The following GPHN variants were observed in gnomAD, a reference collection of about 807,000 sequenced individuals.
The protein encoded by GPHN is gephyrin.
GPHN carries 17 observed loss-of-function variants against 95.5 expected under a neutral mutation model. That is an observed-to-expected ratio of 0.18 (90% confidence interval 0.12 to 0.27). The LOEUF (loss-of-function observed/expected upper bound fraction) is 0.27, where lower values mean the gene tolerates loss of function less well. GPHN is among the 10% of genes least tolerant of loss of function. GPHN has a pLI of 1.00. For missense variants in GPHN, 660 were observed against 978.1 expected (o/e 0.67, Z 4.34); for synonymous variants, 320 against 322.5 (o/e 0.99, Z 0.08).
intron 1 of GPHN, among the ~76,000 whole-genome samples, chr14:66,597,337 G>A (rs979747645): frequency 1.3e-5 from 2 of 152,154 alleles, no homozygotes; most frequent in African/African-American, 4.8e-5. Context: ...CTTCTGAGCC[G>A]TAGTCAGAAA....
the GPHN span, among the ~76,000 whole-genome samples, chr14:67,509,362 A>C: frequency 6.6e-6 from 1 of 151,988 alleles, no homozygotes; most frequent in Non-Finnish European, 1.5e-5. Context: ...CTTGTTGTCC[A>C]AGCTGGAGTG....
At chr14:66,689,678 C>G (rs1313132497) in intron 2 of GPHN, among the ~76,000 whole-genome samples, 1 of 152,082 alleles carries the variant, frequency 6.6e-6, no homozygotes, top group Non-Finnish European at 1.5e-5. Context: ...CATAGGGTCC[C>G]AGGCTTTTTT....
chr14:67,357,933 A>C, the GPHN span, among the ~76,000 whole-genome samples: 2 of 152,232 alleles, frequency 1.3e-5, no homozygotes, highest in African/African-American at 4.8e-5. Context: ...AAGATACTTG[A>C]AGGGACACTT....
chr14:66,527,260 G>T (rs1594826346), intron 1 of GPHN, among the ~76,000 whole-genome samples: 1 of 152,120 alleles, frequency 6.6e-6, no homozygotes, highest in Non-Finnish European at 1.5e-5. Context: ...TATTTGCATA[G>T]AGGCGTTTAT....
At chr14:67,728,503 AC>A in the GPHN span, among the ~76,000 whole-genome samples, 2 of 152,166 alleles carry the variant, frequency 1.3e-5, no homozygotes, top group Non-Finnish European at 2.9e-5. Context: ...TTGGCCCTGC[AC>A]CCTGCCAGGT....
At chr14:66,737,005 AATT>A (rs1213865060) in intron 2 of GPHN, among the ~76,000 whole-genome samples, 1 of 151,992 alleles carries the variant, frequency 6.6e-6, no homozygotes. Context: ...CCAGTCCTAA[AATT>A]ATTATATGTT....
chr14:66,703,567 C>G (rs1477667998), intron 2 of GPHN, among the ~76,000 whole-genome samples: 1 of 110,274 alleles, frequency 9.1e-6, no homozygotes, highest in Non-Finnish European at 1.6e-5. Context: ...AAAGGAGATC[C>G]TTTCCAGAGA....
At chr14:67,684,020 A>C in the GPHN span, among the ~76,000 whole-genome samples, 1 of 152,206 alleles carries the variant, frequency 6.6e-6, no homozygotes, top group African/African-American at 2.4e-5. Context: ...CCAGTGATAA[A>C]AATTCTGCTG....
At chr14:66,815,304 G>C (rs1245403625) in intron 3 of GPHN, among the ~76,000 whole-genome samples, 1 of 152,086 alleles carries the variant, frequency 6.6e-6, no homozygotes, top group Non-Finnish European at 1.5e-5. Flanking sequence ...TTCAAATTCA[G>C]GAAATGCAGA....
chr14:66,806,970 A>G (rs2060568934), intron 3 of GPHN, among the ~76,000 whole-genome samples: 1 of 152,178 alleles, frequency 6.6e-6, no homozygotes, highest in Non-Finnish European at 1.5e-5. Flanking sequence ...TTACTGAATT[A>G]GTCTGTTTTC....
the GPHN span, among the ~76,000 whole-genome samples, chr14:67,521,290 G>A: frequency 6.6e-6 from 1 of 152,238 alleles, no homozygotes; most frequent in Non-Finnish European, 1.5e-5. Context: ...TCAGGAATGA[G>A]TGCATTGTGA....
chr14:67,722,722 T>C, the GPHN span: 11 of 1,609,520 alleles, frequency 6.8e-6, no homozygotes, highest in Non-Finnish European at 9.4e-6. Context: ...TTTGTCTTAA[T>C]TCAGCAACTC....
chr14:67,433,394 T>C, the GPHN span, among the ~76,000 whole-genome samples: 1 of 152,126 alleles, frequency 6.6e-6, no homozygotes, highest in Non-Finnish European at 1.5e-5. Context: ...AATTTAGTGG[T>C]TCAGAATTAA....
the GPHN span, among the ~76,000 whole-genome samples, chr14:67,554,250 C>T: frequency 6.6e-6 from 1 of 152,170 alleles, no homozygotes; most frequent in African/African-American, 2.4e-5. Flanking sequence ...GCTCATCTAC[C>T]TTTTAATTAA....
At chr14:66,542,061 CA>C (rs1235174766) in intron 1 of GPHN, among the ~76,000 whole-genome samples, 1 of 152,174 alleles carries the variant, frequency 6.6e-6, no homozygotes, top group East Asian at 1.9e-4. Flanking sequence ...TTTGCATTCT[CA>C]ACTTCCTTGC....
rs531970428 is a variant in GPHN at position 66,824,674 on chromosome 14, A to G, written c.294+108A>G. 15 of 634,144 alleles carry G rather than the reference A, an allele frequency of 2.4e-5. No homozygotes were observed. In the South Asian group the frequency reaches 2.7e-4, roughly 11 times the overall value. 39.3% of individuals were successfully genotyped at this position (634,144 alleles called of 1,614,324 possible). On this transcript the variant is annotated intron_variant, in intron 4 of 22. Coordinates refer to ENST00000478722, the MANE Select transcript of GPHN (RefSeq NM_020806.5). ...TTTATAACTTTGCTAGGCATAACAAATGACTTGTAGTTCTAATAATGTGAA... is the reference window on the plus strand; with the variant it reads ...TTTATAACTTTGCTAGGCATAACAAGTGACTTGTAGTTCTAATAATGTGAA...
chr14:67,130,622 C>T (rs2079641968), intron 17 of GPHN, among the ~76,000 whole-genome samples: 1 of 152,036 alleles, frequency 6.6e-6, no homozygotes, highest in Non-Finnish European at 1.5e-5. Context: ...TGGATATATA[C>T]CCAGTGATGA....
the GPHN span, among the ~76,000 whole-genome samples, chr14:67,542,731 G>C: frequency 6.6e-6 from 1 of 150,964 alleles, no homozygotes; most frequent in Non-Finnish European, 1.5e-5. Context: ...ATGGAGTTTC[G>C]CTCTTGTTGC....
intron 5 of GPHN, among the ~76,000 whole-genome samples, chr14:66,884,068 T>G (rs991597046): frequency 1.3e-5 from 2 of 152,096 alleles, no homozygotes; most frequent in Non-Finnish European, 2.9e-5. Flanking sequence ...CAACTGACCT[T>G]TGGGACAAAG....
Sources: allele counts gnomAD v4.1 joint callset (sites outside exome capture counted in the v4.1 genomes callset), GRCh38; gene constraint gnomAD v4.1.1; transcripts MANE v1.5; gene names NCBI Gene and HGNC (gene_info 2026-07-23, HGNC 2026-07-21).